The following NRG1 variants were observed in gnomAD, a reference collection of about 807,000 sequenced individuals.
NRG1 encodes the protein neuregulin 1.
Under a neutral mutation model 63.8 loss-of-function variants are expected in NRG1, and 18 were observed. The observed-to-expected ratio is 0.28, with a 90% CI of 0.19 to 0.42. NRG1 has a LOEUF of 0.42. Among genes scored for constraint, NRG1 ranks in the 10% least tolerant of loss-of-function variants. The pLI is 1.00. For missense variants in NRG1, 762 were observed against 814.7 expected, an observed-to-expected ratio of 0.94 and a Z score of 0.79; for synonymous variants, 302 against 301.3, an observed-to-expected ratio of 1.00 and a Z score of -0.02.
chr8:32,266,218 GTT>G (rs1257825341), intron 1 of NRG1, among the ~76,000 whole-genome samples: 1 of 152,086 alleles, frequency 6.6e-6, no homozygotes, highest in Non-Finnish European at 1.5e-5. Flanking sequence ...TGATCCTTTG[GTT>G]TTCATATAAA....
At chr8:31,863,912 A>C (rs1175097387) in intron 1 of NRG1, among the ~76,000 whole-genome samples, 3 of 152,200 alleles carry the variant, frequency 2.0e-5, no homozygotes, top group Non-Finnish European at 4.4e-5. Context: ...ACTTGTCTGA[A>C]TTTGTAATTG....
At chr8:31,845,861 A>G (rs953249247) in intron 1 of NRG1, among the ~76,000 whole-genome samples, 1 of 152,226 alleles carries the variant, frequency 6.6e-6, no homozygotes, top group African/African-American at 2.4e-5. Context: ...ATAGGCAACA[A>G]TATGCACTTA....
chr8:32,703,676 A>G (rs1424642209), intron 5 of NRG1, among the ~76,000 whole-genome samples: 1 of 152,250 alleles, frequency 6.6e-6, no homozygotes, highest in East Asian at 1.9e-4. Context: ...TTTAGAATAC[A>G]AACTGTTTAG....
chr8:32,074,024 A>C (rs1235109717), intron 1 of NRG1, among the ~76,000 whole-genome samples: 5 of 152,212 alleles, frequency 3.3e-5, no homozygotes, highest in African/African-American at 9.6e-5. Context: ...CAACCTCTAG[A>C]AAGTTAATTA....
chr8:31,865,452 G>A (rs796675547), intron 1 of NRG1, among the ~76,000 whole-genome samples: 15 of 152,226 alleles, frequency 9.9e-5, no homozygotes, highest in African/African-American at 3.6e-4. Context: ...TGGTTTTGCT[G>A]TGTTCCCACC....
intron 1 of NRG1, among the ~76,000 whole-genome samples, chr8:32,435,913 G>A (rs569522957): frequency 1.3e-5 from 2 of 152,154 alleles, no homozygotes; most frequent in South Asian, 2.1e-4. Flanking sequence ...TTGGTAAAAT[G>A]TTTTTTATTC....
chr8:32,098,190 A>G (rs891465477), intron 1 of NRG1, among the ~76,000 whole-genome samples: 6 of 152,188 alleles, frequency 3.9e-5, no homozygotes, highest in Non-Finnish European at 4.4e-5. Flanking sequence ...TTAATTAAAG[A>G]GAAGAAAGAA....
intron 1 of NRG1, among the ~76,000 whole-genome samples, chr8:31,840,066 G>T (rs1018469200): frequency 3.3e-5 from 5 of 152,296 alleles, no homozygotes; most frequent in Admixed American, 3.3e-4. Flanking sequence ...CAGAGCAAAT[G>T]AGCACATACT....
chr8:32,444,784 A>G (rs1820032360), intron 1 of NRG1, among the ~76,000 whole-genome samples: 1 of 152,254 alleles, frequency 6.6e-6, no homozygotes, highest in Admixed American at 6.5e-5. Flanking sequence ...ATAAAGAAGA[A>G]CAGGTCTAAC....
At chr8:32,504,551 G>A (rs1387705510) in intron 1 of NRG1, among the ~76,000 whole-genome samples, 1 of 151,734 alleles carries the variant, frequency 6.6e-6, no homozygotes, top group East Asian at 1.9e-4. Context: ...TAGGTACAAC[G>A]TACATACATA....
chr8:32,509,249 C>T (rs368810268), intron 1 of NRG1, among the ~76,000 whole-genome samples: 1 of 151,976 alleles, frequency 6.6e-6, no homozygotes, highest in African/African-American at 2.4e-5. Flanking sequence ...ACCACCATCA[C>T]ACCCAGCTAA....
intron 1 of NRG1, among the ~76,000 whole-genome samples, chr8:31,654,899 T>A (rs1366648041): frequency 6.6e-6 from 1 of 152,180 alleles, no homozygotes; most frequent in Non-Finnish European, 1.5e-5. Context: ...TATGATTGCA[T>A]CACTGCACTC....
At chr8:32,634,873 TCTTTG>T (rs1851030023) in intron 5 of NRG1, among the ~76,000 whole-genome samples, 1 of 152,210 alleles carries the variant, frequency 6.6e-6, no homozygotes, top group African/African-American at 2.4e-5. Context: ...ATGGTTTGAA[TCTTTG>T]CTTCACCACT....
chr8:31,931,640 T>C (rs2129619970), intron 1 of NRG1, among the ~76,000 whole-genome samples: 1 of 152,278 alleles, frequency 6.6e-6, no homozygotes, highest in South Asian at 2.1e-4. Context: ...GAAAATACCT[T>C]ATTGTCAAAG....
intron 1 of NRG1, among the ~76,000 whole-genome samples, chr8:32,522,744 A>C (rs993719310): frequency 6.6e-6 from 1 of 151,934 alleles, no homozygotes; most frequent in African/African-American, 2.4e-5. Context: ...CTATTGTTAA[A>C]AACAAGCAAA....
chr8:32,298,900 A>G (rs1006575061), intron 1 of NRG1, among the ~76,000 whole-genome samples: 3 of 144,046 alleles, frequency 2.1e-5, no homozygotes, highest in Non-Finnish European at 4.6e-5. Flanking sequence ...GGTGGCATGT[A>G]CCTGTAGTCC....
At chr8:31,834,299 GCA>G in intron 1 of NRG1, among the ~76,000 whole-genome samples, 1 of 144,440 alleles carries the variant, frequency 6.9e-6, no homozygotes, top group African/African-American at 2.6e-5. Flanking sequence ...GCGTGTGCGC[GCA>G]CGCGCGCACA....
At chr8:32,160,828 A>C (rs1287478531) in intron 1 of NRG1, among the ~76,000 whole-genome samples, 1 of 152,240 alleles carries the variant, frequency 6.6e-6, no homozygotes, top group South Asian at 2.1e-4. Flanking sequence ...CCCTCTGCTT[A>C]CAAGCACTTA....
chr8:32,458,488 G>A (rs1821891986), intron 1 of NRG1, among the ~76,000 whole-genome samples: 1 of 151,960 alleles, frequency 6.6e-6, no homozygotes, highest in Non-Finnish European at 1.5e-5. Context: ...ATTTCCAAAG[G>A]CAATAAATCA....
Sources: allele counts gnomAD v4.1 joint callset (sites outside exome capture counted in the v4.1 genomes callset), GRCh38; gene constraint gnomAD v4.1.1; transcripts MANE v1.5; gene names NCBI Gene and HGNC (gene_info 2026-07-23, HGNC 2026-07-21).